Variants in NRXN3 observed in about 807,000 individuals in gnomAD.
NRXN3 encodes the protein neurexin III.
NRXN3 carries 32 observed loss-of-function variants against 137.6 expected under a neutral mutation model. The observed-to-expected ratio is 0.23, with a 90% CI of 0.18 to 0.31. NRXN3 has a LOEUF of 0.31. Ranked by LOEUF, NRXN3 falls within the 10% of genes least tolerant of loss-of-function variation. NRXN3 has a pLI of 1.00. For synonymous variants in NRXN3, 798 were observed against 784.5 expected (o/e 1.02, Z -0.29); for missense variants, 1,574 against 2,062.5 (o/e 0.76, Z 4.59).
At chr14:78,807,270 C>A (rs2098877916) in intron 9 of NRXN3, among the ~76,000 whole-genome samples, 2 of 152,184 alleles carry the variant, frequency 1.3e-5, no homozygotes, top group South Asian at 2.1e-4. Context: ...CAATGGCAGA[C>A]TCTGAGGGAG....
chr14:79,543,562 G>A (rs1249238107), intron 16 of NRXN3, among the ~76,000 whole-genome samples: 1 of 152,192 alleles, frequency 6.6e-6, no homozygotes, highest in Non-Finnish European at 1.5e-5. Context: ...GTTGGTTGTG[G>A]CCACAGCATG....
chr14:79,233,097 T>A (rs982052896), intron 15 of NRXN3, among the ~76,000 whole-genome samples: 3 of 152,166 alleles, frequency 2.0e-5, no homozygotes, highest in Admixed American at 2.0e-4. Flanking sequence ...TTCTGTCACA[T>A]AAATTCTGTT....
In NRXN3 at chr14:78,810,344, A is replaced by T; in HGVS notation, c.2275A>T (p.Ser759Cys). The part of the protein sequence containing the change: ...LDCIRINCNS[S>C]KGPETLYAGQ... ...CTGTATCAGGATAAACTGTAACTCC[A>T]GTAAGTTTTCCCTCAAGTTTCATTT... Residue 759 changes from serine (S) to cysteine (C), a missense_variant and splice_region_variant, in exon 10 of 21, where the codon AGC becomes TGC. This residue lies in a region of NRXN3 where 718 missense variants were observed against 887.6 expected (regional missense o/e 0.81). Coordinates refer to ENST00000335750, the MANE Select transcript of NRXN3 (RefSeq NM_001330195.2). 6.9e-7 allele frequency: 1 copy of T among 1,458,106 alleles called. No individual in the cohort carries two copies. The highest frequency in any genetic ancestry group is 1.4e-5 in the South Asian group (1 of 73,608). The allele number at this position is 1,458,106 out of a possible 1,614,324, so 90.3% of individuals were successfully genotyped here. A position where few individuals can be genotyped will look rare whatever the true frequency, so the allele number is the denominator to read the frequency against.
At chr14:78,935,419 AG>A (rs2099334005) in intron 10 of NRXN3, among the ~76,000 whole-genome samples, 1 of 152,176 alleles carries the variant, frequency 6.6e-6, no homozygotes. Context: ...AGAACTTCAA[AG>A]GAACTCAAAT....
intron 15 of NRXN3, among the ~76,000 whole-genome samples, chr14:79,199,816 A>G (rs1452982427): frequency 6.6e-6 from 1 of 152,196 alleles, no homozygotes; most frequent in East Asian, 1.9e-4. Context: ...GAGAATATAA[A>G]TTTGGTTCAA....
At chr14:78,321,395 G>C (rs537506522) in intron 4 of NRXN3, among the ~76,000 whole-genome samples, 13 of 152,028 alleles carry the variant, frequency 8.6e-5, no homozygotes, top group Non-Finnish European at 1.3e-4. Flanking sequence ...ACAGTGATTT[G>C]CCCTTTTACC....
At chr14:79,025,847 A>T (rs2099597139) in intron 15 of NRXN3, among the ~76,000 whole-genome samples, 1 of 152,112 alleles carries the variant, frequency 6.6e-6, no homozygotes, top group African/African-American at 2.4e-5. Flanking sequence ...AGGGTGAGGC[A>T]GCTGTTTAAC....
intron 15 of NRXN3, among the ~76,000 whole-genome samples, chr14:79,130,797 C>T (rs1036863199): frequency 2.6e-5 from 4 of 152,080 alleles, no homozygotes; most frequent in Non-Finnish European, 5.9e-5. Flanking sequence ...TCCATTCTCC[C>T]CGTCACTTTC....
At chr14:78,610,009 GAGA>G (rs1468819052) in intron 4 of NRXN3, among the ~76,000 whole-genome samples, 3 of 149,450 alleles carry the variant, frequency 2.0e-5, no homozygotes, top group Non-Finnish European at 2.9e-5. Flanking sequence ...GTGAGATAGA[GAGA>G]AGGAGAGGGA....
intron 4 of NRXN3, among the ~76,000 whole-genome samples, chr14:78,321,556 G>T (rs2079370086): frequency 6.6e-6 from 1 of 152,030 alleles, no homozygotes; most frequent in East Asian, 1.9e-4. Context: ...GTTCCTGCAA[G>T]GCTCTCTGTT....
intron 15 of NRXN3, among the ~76,000 whole-genome samples, chr14:79,117,549 C>G (rs2054654432): frequency 6.6e-6 from 1 of 152,144 alleles, no homozygotes. Flanking sequence ...ACTATCTCTT[C>G]TGAGGTATGC....
chr14:78,443,787 ATAG>A (rs1257546259), intron 4 of NRXN3, among the ~76,000 whole-genome samples: 54 of 152,232 alleles, frequency 3.5e-4, no homozygotes, highest in African/African-American at 1.3e-3. Flanking sequence ...AGCTGGGTAC[ATAG>A]TAGGAGCTTA....
At chr14:79,388,026 A>G (rs1029335671) in intron 15 of NRXN3, among the ~76,000 whole-genome samples, 6 of 151,906 alleles carry the variant, frequency 3.9e-5, no homozygotes, top group African/African-American at 7.2e-5. Context: ...TGGGTGCAGC[A>G]CACCAACATG....
chr14:79,346,125 T>C (rs920630852), intron 15 of NRXN3, among the ~76,000 whole-genome samples: 1 of 152,142 alleles, frequency 6.6e-6, no homozygotes, highest in African/African-American at 2.4e-5. Flanking sequence ...TTATTTAGAA[T>C]GTAAAACACA....
chr14:79,036,306 G>A (rs973788228), intron 15 of NRXN3, among the ~76,000 whole-genome samples: 1 of 151,862 alleles, frequency 6.6e-6, no homozygotes, highest in African/African-American at 2.4e-5. Context: ...ATTTATATAT[G>A]ATCTTGTTCT....
At chr14:79,739,503 G>T (rs1398074617) in intron 19 of NRXN3, among the ~76,000 whole-genome samples, 1 of 151,756 alleles carries the variant, frequency 6.6e-6, no homozygotes, top group Non-Finnish European at 1.5e-5. Flanking sequence ...AATTAGCCAG[G>T]CATGGTGGTG....
rs1302409276 is a variant in NRXN3 at position 79,198,162 on chromosome 14, A to G, written c.3262+210021A>G. ...GGATAATCCAAATAACTTCTTTCTA[A>G]TGTGATTTATATGAAATGGAAGCAT... On this transcript the variant is annotated intron_variant, in intron 15 of 20. Transcript: ENST00000335750. Among the ~76,000 whole-genome samples the G allele has an allele frequency of 2.0e-5, 3 of 152,136 alleles. 1 individual carries two copies. The highest frequency in any genetic ancestry group is 2.1e-4 in the South Asian group (1 of 4,824).
chr14:78,608,676 T>C (rs2097273084), intron 4 of NRXN3, among the ~76,000 whole-genome samples: 1 of 152,198 alleles, frequency 6.6e-6, no homozygotes, highest in Non-Finnish European at 1.5e-5. Flanking sequence ...GGTAATCTAC[T>C]CAATAACCAT....
At chr14:79,662,115 C>G (rs1224516955) in intron 16 of NRXN3, among the ~76,000 whole-genome samples, 1 of 152,108 alleles carries the variant, frequency 6.6e-6, no homozygotes, top group African/African-American at 2.4e-5. Context: ...TCCAGGCCCC[C>G]ACAGCCATGC....
Sources: gnomAD v4.1 joint callset for allele counts (sites outside exome capture counted in the v4.1 genomes callset) on GRCh38, gnomAD v4.1.1 for gene constraint, gnomAD v4.1.1 regional missense constraint, MANE v1.5 for transcripts, NCBI Gene and HGNC (gene_info 2026-07-23, HGNC 2026-07-21) for gene names.